Variants in GAS6 observed in about 807,000 individuals in gnomAD.
GAS6 encodes growth arrest-specific protein 6.
GAS6 carries 41 observed loss-of-function variants against 75.8 expected under a neutral mutation model. The ratio of observed to expected loss-of-function variants is 0.54; its 90% confidence interval spans 0.42 to 0.70. The LOEUF is 0.70. Among genes scored for constraint, GAS6 ranks in the 30% least tolerant of loss-of-function variants. The pLI, the probability that GAS6 is intolerant of heterozygous loss-of-function variation, is 0.00. For synonymous variants in GAS6, 432 were observed against 412.6 expected (o/e 1.05, Z -0.57); for missense variants, 854 against 940.2 (o/e 0.91, Z 1.20).
At chr13:113,834,413 A>T in intron 8 of GAS6, 138 bp downstream of exon 8, 1 of 930,816 alleles carries the variant, frequency 1.1e-6, no homozygotes, top group Non-Finnish European at 1.5e-6. Context: ...TTCTCATCCC[A>T]AACCTCCACA....
At chr13:113,835,685 G>C (rs147716178) in intron 6 of GAS6, 50 bp from the exon 7 acceptor site, 94 of 1,594,740 alleles carry the variant, frequency 5.9e-5, no homozygotes, top group Non-Finnish European at 7.7e-5. Context: ...CATCTCAGAC[G>C]GGGCTGGGGC....
Position 113,854,073 on chromosome 13 carries a change from T to A in GAS6, c.256-6023A>T, listed in dbSNP as rs74118420. ...ACAGTCAGTATACCCGGCATGCCCA[T>A]CTGCACCCAGGGTCAGCGGTGACAG... On this transcript the variant is annotated intron_variant, in intron 2 of 14. Coordinates refer to ENST00000327773, the MANE Select transcript of GAS6 (RefSeq NM_000820.4). Among the ~76,000 whole-genome samples the A allele has an allele frequency of 3.4e-3, 524 of 152,292 alleles. 5 individuals carry two copies. The highest frequency in any genetic ancestry group is 0.012 in the African/African-American group (493 of 41,562).
intron 4 of GAS6, 90 bp from the exon 5 acceptor site, chr13:113,839,940 C>T (rs190691406): frequency 8.6e-5 from 137 of 1,593,188 alleles, no homozygotes; most frequent in Non-Finnish European, 1.1e-4. Flanking sequence ...TGTGGGGTCT[C>T]GGGTCCAGCC....
At chr13:113,832,794 C>T in intron 8 of GAS6, 42 bp from the exon 9 acceptor site, 8 of 1,611,128 alleles carry the variant, frequency 5.0e-6, no homozygotes, top group South Asian at 2.2e-5. Context: ...ATGTGGCCTT[C>T]ACTCCTGCTC....
chr13:113,832,548 C>T, intron 9 of GAS6, 60 bp from the exon 10 acceptor site: 1 of 1,598,322 alleles, frequency 6.3e-7, no homozygotes, highest in African/African-American at 1.3e-5. Flanking sequence ...CGGCCCCTCC[C>T]TGCTGGCCGA....
At chr13:113,861,213 C>T (rs1430419182) in intron 2 of GAS6, among the ~76,000 whole-genome samples, 1 of 152,200 alleles carries the variant, frequency 6.6e-6, no homozygotes, top group Non-Finnish European at 1.5e-5. Context: ...CCCTTCCCTC[C>T]CTCGTAGGAG....
intron 12 of GAS6, among the ~76,000 whole-genome samples, chr13:113,825,633 A>G (rs568271077): frequency 8.5e-5 from 13 of 152,334 alleles, no homozygotes; most frequent in African/African-American, 1.7e-4. Flanking sequence ...TGTGTATGAT[A>G]TTAAGTGGAA....
At chr13:113,860,729 C>T (rs1455032786) in intron 2 of GAS6, among the ~76,000 whole-genome samples, 1 of 152,040 alleles carries the variant, frequency 6.6e-6, no homozygotes, top group African/African-American at 2.4e-5. Flanking sequence ...TGGGGGTGGC[C>T]CAGCCTGGAG....
At chr13:113,851,273 G>A (rs1400562801) in intron 2 of GAS6, among the ~76,000 whole-genome samples, 4 of 140,732 alleles carry the variant, frequency 2.8e-5, no homozygotes, top group African/African-American at 5.2e-5. Context: ...ATGAGTGAGT[G>A]TATGAATGAA....
Position 113,826,996 on chromosome 13 carries a change from T to A in GAS6, c.1477A>T (p.Met493Leu). Residue 493 changes from methionine to leucine, a missense_variant and splice_region_variant, in exon 12 of 15, where the codon ATG becomes TTG. Met to Leu is a conservative substitution (Grantham distance 15). Coordinates refer to ENST00000327773, the MANE Select transcript of GAS6 (RefSeq NM_000820.4). ...SGFAFYSLDY[M>L]RTPLDVGTES... ...CCCAACGGTAAGAGCCAAGACTTAC[T>A]GTAGTCCAGGCTGTAGAAGGCGAAG... 1 of 1,612,442 alleles carries A rather than the reference T, an allele frequency of 6.2e-7. No homozygotes were observed.
At chr13:113,842,468 A>G in intron 4 of GAS6, 1 of 395,596 alleles carries the variant, frequency 2.5e-6, no homozygotes, top group Non-Finnish European at 4.4e-6. Context: ...CCGGGGCCCC[A>G]TCCCTGACAC....
chr13:113,848,150 G>A lies in GAS6; in HGVS notation c.256-100C>T. The A allele has an allele frequency of 1.5e-6, 2 of 1,295,840 alleles. No individual in the cohort carries two copies. The highest frequency in any genetic ancestry group is 2.3e-5 in the East Asian group (1 of 43,150). The allele number at this position is 1,295,840 out of a possible 1,614,324, so 80.3% of individuals were successfully genotyped here. On this transcript the variant is annotated intron_variant, in intron 2 of 14. Transcript: ENST00000327773. This position sits in a 1 kb window ranked among gnomAD's most constrained non-coding sequence, Gnocchi z 4.8. ...CTGGTTAATCAGAGGCTGCTCTCGG[G>A]GCAGCCAGAGGGCCGCCCCACCCGG...
At chr13:113,859,683 T>C (rs907831919) in intron 2 of GAS6, among the ~76,000 whole-genome samples, 2 of 152,166 alleles carry the variant, frequency 1.3e-5, no homozygotes, top group South Asian at 4.1e-4. Flanking sequence ...GGTAGGGGTG[T>C]GTGTGTCCCT....
Position 113,834,235 on chromosome 13 carries a change from A to C in GAS6, c.834+316T>G, listed in dbSNP as rs115562418. Among the ~76,000 whole-genome samples the C allele has an allele frequency of 6.4e-3, 963 of 150,964 alleles. 10 individuals carry two copies. Among genetic ancestry groups the C allele is most frequent in the African/African-American group, 0.02 (820 of 40,592 alleles). ...GGTGTGACAGGTCGGTGTGACAGGC[A>C]CCGGTGTGACAGGTCGGTCACGTTG... On this transcript the variant is annotated intron_variant, in intron 8 of 14. Coordinates refer to ENST00000327773, the MANE Select transcript of GAS6 (RefSeq NM_000820.4).
chr13:113,844,696 T>G lies in GAS6; in HGVS notation c.343+1831A>C, dbSNP rs916740338. The G allele has an allele frequency of 1.3e-5, 2 of 150,534 alleles. No homozygotes were observed. The highest frequency in any genetic ancestry group is 5.0e-5 in the African/African-American group (2 of 39,962). The allele number at this position is 150,534 out of a possible 1,614,324, so 9.3% of individuals were successfully genotyped here. On this transcript the variant is annotated intron_variant, in intron 4 of 14. Coordinates refer to ENST00000327773, the MANE Select transcript of GAS6 (RefSeq NM_000820.4). This position sits in a 1 kb window ranked among gnomAD's most constrained non-coding sequence, Gnocchi z 5.7. ...GGCATAGGAGACCCACCCGCGTGCA[T>G]GAGGCCGAGTCTAAAGCTGTGGCCA... is the stretch of plus-strand genomic sequence containing the variant.
intron 4 of GAS6, among the ~76,000 whole-genome samples, chr13:113,846,240 A>AACTAC (rs2051832682): frequency 6.6e-6 from 1 of 152,266 alleles, no homozygotes; most frequent in Non-Finnish European, 1.5e-5. Flanking sequence ...TTGGAACTGT[A>AACTAC]ACTACGGTGG....
rs1036127726 is a variant in GAS6, at chr13:113,828,741, T to A, written c.1144-30A>T. ...AGAGAGGCAGCGCCATGAGAAAAGA[T>A]GGGAGTGCACGTTCTGAAGGGGCTC... On this transcript the variant is annotated intron_variant, in intron 10 of 14. Coordinates refer to ENST00000327773, the MANE Select transcript of GAS6 (RefSeq NM_000820.4). 1.9e-6 allele frequency: 3 copies of A among 1,607,532 alleles called. No individual in the cohort carries two copies. The African/African-American group carries it at 4.0e-5, about 21-fold the overall frequency.
chr13:113,835,655 G>T lies in GAS6; in HGVS notation c.590-20C>A. 6.2e-7 allele frequency: 1 copy of T among 1,608,984 alleles called. No homozygotes were observed. Among genetic ancestry groups the T allele is most frequent in the Non-Finnish European group, 8.5e-7 (1 of 1,178,484 alleles). ...CTATGTCTGCAAGCAAAAAAAAACC[G>T]GCCAACCGCAGCACAGCGGCATCTC... On this transcript the variant is annotated intron_variant, in intron 6 of 14. Transcript: ENST00000327773.
At chr13:113,843,654 A>AG (rs1199951253) in intron 4 of GAS6, 2 of 150,948 alleles carry the variant, frequency 1.3e-5, no homozygotes, top group African/African-American at 5.0e-5. Flanking sequence ...GAGGCTCTTC[A>AG]GGGGCACCTG....
Sources: allele counts gnomAD v4.1 joint callset (sites outside exome capture counted in the v4.1 genomes callset), GRCh38; gene constraint gnomAD v4.1.1; non-coding constraint Gnocchi (gnomAD v3.1); transcripts MANE v1.5; gene names NCBI Gene and HGNC (gene_info 2026-07-23, HGNC 2026-07-21).